The following AUH variants were observed in gnomAD, a reference collection of about 807,000 sequenced individuals.
The protein encoded by AUH is AU RNA binding methylglutaconyl-CoA hydratase.
In AUH, 29 loss-of-function variants were observed where a neutral mutation model predicts 42.3. The observed-to-expected ratio is 0.69, with a 90% CI of 0.51 to 0.93. The LOEUF (loss-of-function observed/expected upper bound fraction) is 0.93, where lower values mean the gene tolerates loss of function less well. Ranked by LOEUF, AUH falls within the 40% of genes least tolerant of loss-of-function variation. The probability of loss-of-function intolerance (pLI) is 0.00; values close to 1 mark genes in which losing one functional copy is unlikely to be tolerated. For synonymous variants in AUH, 174 were observed against 166.4 expected (o/e 1.05, Z -0.35); for missense variants, 452 against 438.1 (o/e 1.03, Z -0.28).
chr9:91,310,969 A>G (rs571618199), intron 4 of AUH, among the ~76,000 whole-genome samples: 5 of 152,306 alleles, frequency 3.3e-5, no homozygotes, highest in East Asian at 1.9e-4. Context: ...GAGCCTTTCA[A>G]TAATAAAATT....
intron 6 of AUH, among the ~76,000 whole-genome samples, chr9:91,236,970 C>A (rs1366586695): frequency 6.6e-6 from 1 of 152,154 alleles, no homozygotes; most frequent in East Asian, 1.9e-4. Flanking sequence ...TAACAGTCTA[C>A]CACAATTTCT....
At chr9:91,274,966 G>A (rs1278480458) in intron 6 of AUH, among the ~76,000 whole-genome samples, 3 of 152,126 alleles carry the variant, frequency 2.0e-5, no homozygotes, top group Non-Finnish European at 2.9e-5. Flanking sequence ...CCACACAGAA[G>A]AGAGTAACAA....
chr9:91,239,102 T>G (rs1828352517), intron 6 of AUH, among the ~76,000 whole-genome samples: 1 of 152,124 alleles, frequency 6.6e-6, no homozygotes, highest in South Asian at 2.1e-4. Flanking sequence ...GACTTTGGAT[T>G]ATAAAGTATG....
At chr9:91,297,865 G>A (rs1827473741) in intron 5 of AUH, 119 bp downstream of exon 5, 1 of 869,210 alleles carries the variant, frequency 1.2e-6, no homozygotes, top group Admixed American at 2.1e-5. Flanking sequence ...ACCAACAAGT[G>A]ACTTTTTGAA....
chr9:91,295,984 A>C, intron 6 of AUH, 37 bp downstream of exon 6: 3 of 1,611,814 alleles, frequency 1.9e-6, no homozygotes, highest in Non-Finnish European at 2.5e-6. Flanking sequence ...CTAGGACCAA[A>C]TCAAGGATTT....
At chr9:91,303,291 G>T (rs1323489559) in intron 4 of AUH, among the ~76,000 whole-genome samples, 1 of 151,910 alleles carries the variant, frequency 6.6e-6, no homozygotes, top group Non-Finnish European at 1.5e-5. Context: ...AGAAAAATAT[G>T]AACAATTTGA....
At chr9:91,331,139 T>C (rs1830294706) in intron 3 of AUH, among the ~76,000 whole-genome samples, 1 of 152,162 alleles carries the variant, frequency 6.6e-6, no homozygotes, top group Non-Finnish European at 1.5e-5. Context: ...GCTCTCCTCC[T>C]ATACTGTCTC....
At chr9:91,351,532 T>C (rs889467396) in intron 3 of AUH, among the ~76,000 whole-genome samples, 2 of 151,434 alleles carry the variant, frequency 1.3e-5, no homozygotes, top group Admixed American at 6.6e-5. Context: ...TAAACATCAT[T>C]GAGTATATAT....
Position 91,306,594 on chromosome 9 carries a change from A to T in AUH, c.506-8518T>A, listed in dbSNP as rs192697838. ...TAGCATCACCTGTAAGCTTTTTATA[A>T]ATGTAGACTCCCAGGTCCTATCGCA... On this transcript the variant is annotated intron_variant, in intron 4 of 9. Transcript: ENST00000375731. 6.2e-4 allele frequency among the ~76,000 whole-genome samples: 95 copies of T among 152,310 alleles called. 1 individual carries two copies. Among genetic ancestry groups the T allele is most frequent in the Non-Finnish European group, 1.1e-3 (76 of 68,034 alleles).
intron 4 of AUH, among the ~76,000 whole-genome samples, chr9:91,312,856 G>C (rs1410111544): frequency 6.6e-6 from 1 of 152,200 alleles, no homozygotes; most frequent in Non-Finnish European, 1.5e-5. Flanking sequence ...AGGCCCGTAA[G>C]TACTGTCAAA....
In AUH at chr9:91,289,361, A is replaced by AT. The variant is rs571713728; in HGVS notation, c.655+6659dup. Among the ~76,000 whole-genome samples the AT allele has an allele frequency of 4.3e-3, 654 of 152,168 alleles. 6 individuals are homozygous for AT. Among genetic ancestry groups the AT allele is most frequent in the African/African-American group, 0.015 (611 of 41,520 alleles). On this transcript the variant is annotated intron_variant, in intron 6 of 9. Coordinates refer to ENST00000375731, the MANE Select transcript of AUH (RefSeq NM_001698.3). ...TTTGAATTCTCCCCACTTATTTTCT[A>AT]TTTTTTTGGCTGTCAGCACCTGCTC...
At chr9:91,337,321 C>T (rs1411458123) in intron 3 of AUH, among the ~76,000 whole-genome samples, 1 of 152,140 alleles carries the variant, frequency 6.6e-6, no homozygotes, top group Non-Finnish European at 1.5e-5. Flanking sequence ...TAACCATTTA[C>T]CTTAACATCC....
At chr9:91,275,420 T>C (rs1158527804) in intron 6 of AUH, among the ~76,000 whole-genome samples, 1 of 152,216 alleles carries the variant, frequency 6.6e-6, no homozygotes. Context: ...TGTGAAAAAT[T>C]AATCTTAGAG....
At chr9:91,350,058 A>G (rs1831844543) in intron 3 of AUH, among the ~76,000 whole-genome samples, 1 of 152,258 alleles carries the variant, frequency 6.6e-6, no homozygotes, top group Admixed American at 6.5e-5. Flanking sequence ...TTTGGGGTAT[A>G]GCACACCATG....
chr9:91,218,889 T>C (rs1826972485), intron 7 of AUH: 1 of 985,454 alleles, frequency 1.0e-6, no homozygotes, highest in African/African-American at 1.7e-5. Context: ...GCATGTAATT[T>C]TGCAGTCACA....
chr9:91,284,821 A>G (rs973915717), intron 6 of AUH, among the ~76,000 whole-genome samples: 1 of 152,190 alleles, frequency 6.6e-6, no homozygotes, highest in African/African-American at 2.4e-5. Flanking sequence ...CAGGTGCTGG[A>G]GAGGATGTGG....
intron 6 of AUH, among the ~76,000 whole-genome samples, chr9:91,233,351 G>C (rs943443390): frequency 1.3e-5 from 2 of 152,112 alleles, no homozygotes; most frequent in Non-Finnish European, 2.9e-5. Context: ...TTCACTTGTG[G>C]AGCACAAGGA....
chr9:91,296,219 G>A (rs1295844744), intron 5 of AUH, 142 bp from the exon 6 acceptor site: 3 of 788,950 alleles, frequency 3.8e-6, no homozygotes, highest in Non-Finnish European at 4.0e-6. Flanking sequence ...CACTTAAAAG[G>A]CATTGTTATG....
chr9:91,224,503 T>A (rs1827322426), intron 6 of AUH, among the ~76,000 whole-genome samples: 1 of 152,200 alleles, frequency 6.6e-6, no homozygotes. Flanking sequence ...GTTACTGGTG[T>A]CATATCCAAG....
Sources: gnomAD v4.1 joint callset for allele counts (sites outside exome capture counted in the v4.1 genomes callset) on GRCh38, gnomAD v4.1.1 for gene constraint, MANE v1.5 for transcripts, NCBI Gene and HGNC (gene_info 2026-07-23, HGNC 2026-07-21) for gene names.